NMT1: variants seen among roughly 807,000 people sequenced by gnomAD.
NMT1 encodes N-myristoyltransferase 1, also known as glycylpeptide N-tetradecanoyltransferase 1.
In NMT1, 12 loss-of-function variants were observed where a neutral mutation model predicts 63.4. The observed-to-expected ratio is 0.19, with a 90% CI of 0.12 to 0.31. The LOEUF is 0.31. Ranked by LOEUF, NMT1 falls within the 10% of genes least tolerant of loss-of-function variation. The pLI is 1.00. For synonymous variants in NMT1, 228 were observed against 234.3 expected, an observed-to-expected ratio of 0.97 and a Z score of 0.25; for missense variants, 432 against 634.6, an observed-to-expected ratio of 0.68 and a Z score of 3.43.
At chr17:45,063,204 CAAAAAAAAA>C (rs5820561) in intron 1 of NMT1, among the ~76,000 whole-genome samples, 1 of 79,994 alleles carries the variant, frequency 1.3e-5, no homozygotes, top group Non-Finnish European at 2.4e-5. Context: ...GACTCCGACT[CAAAAAAAAA>C]AAAAAAAAAA....
intron 1 of NMT1, among the ~76,000 whole-genome samples, chr17:45,062,791 A>G (rs1274911798): frequency 6.6e-6 from 1 of 152,210 alleles, no homozygotes; most frequent in Non-Finnish European, 1.5e-5. Context: ...AAAATCACCT[A>G]ACCATGCATT....
At chr17:45,099,574 C>A in intron 8 of NMT1, 61 bp downstream of exon 8, 1 of 1,236,990 alleles carries the variant, frequency 8.1e-7, no homozygotes, top group Non-Finnish European at 1.2e-6. Context: ...GCCTGGCTGT[C>A]AGCAGGAGAG....
intron 2 of NMT1, among the ~76,000 whole-genome samples, chr17:45,082,990 C>T (rs1171951877): frequency 6.6e-6 from 1 of 151,470 alleles, no homozygotes; most frequent in African/African-American, 2.4e-5. Context: ...GCACTCCAGC[C>T]TGGGCAACAG....
chr17:45,093,897 A>G, intron 4 of NMT1, 94 bp downstream of exon 4: 1 of 1,018,128 alleles, frequency 9.8e-7, no homozygotes, highest in African/African-American at 1.6e-5. Flanking sequence ...CTCGAGCCCT[A>G]GAGAGCTGAG....
rs760110087 is a variant in NMT1, at chr17:45,099,487, A to T, written c.967A>T (p.Thr323Ser). ...HLSRNMTMQR[T>S]MKLYRLPETP... ...GAGCAGAAATATGACCATGCAGCGC[A>T]CCATGAAGCTCTACCGACTGCCAGA... The change falls in exon 8 of 12, where the codon ACC (threonine) becomes TCC (serine). Residue 323 changes from threonine (T) to serine (S), a missense_variant. Thr to Ser is a moderately conservative substitution (Grantham distance 58). Coordinates refer to ENST00000258960, the MANE Select transcript of NMT1 (RefSeq NM_021079.5). 6 of 1,614,054 alleles carry T rather than the reference A, an allele frequency of 3.7e-6. No homozygotes were observed. The highest frequency in any genetic ancestry group is 5.1e-6 in the Non-Finnish European group (6 of 1,179,894).
At chr17:45,061,733 A>G (rs2053862303) in intron 1 of NMT1, 2 of 352,444 alleles carry the variant, frequency 5.7e-6, no homozygotes, top group East Asian at 5.8e-5. Context: ...CTGGGAAAAG[A>G]GCATGTTGGA....
chr17:45,093,099 A>G (rs10853035), intron 3 of NMT1, among the ~76,000 whole-genome samples: 152,218 of 152,362 alleles, frequency 1, 76,037 homozygotes, highest in Middle Eastern at 1. Flanking sequence ...CGGCAGCACT[A>G]TGTAGACTTG....
Position 45,097,150 on chromosome 17 carries a change from C to G in NMT1, c.619C>G (p.Leu207Val), listed in dbSNP as rs756018179. 1 of 1,614,190 alleles carries G rather than the reference C, an allele frequency of 6.2e-7. No individual in the cohort carries two copies. The highest frequency in any genetic ancestry group is 1.7e-5 in the Admixed American group (1 of 60,032). The change falls in exon 6 of 12, where the codon CTC (leucine) becomes GTC (valine). Residue 207 changes from leucine to valine, a missense_variant. Leu to Val is a conservative substitution (Grantham distance 32). This residue lies in a region of NMT1 where 295 missense variants were observed against 489.7 expected (regional missense o/e 0.60). Transcript: ENST00000258960. ...CAGGGCTCTCCGGCCACCCGGCTGGCTCCCCCAGTGGCACTGTGGGGTTCG... is the reference window on the plus strand; with the variant it reads ...CAGGGCTCTCCGGCCACCCGGCTGGGTCCCCCAGTGGCACTGTGGGGTTCG... ...LLWALRPPGW[L>V]PQWHCGVRVV...
chr17:45,098,602 A>G, intron 7 of NMT1, 50 bp downstream of exon 7: 1 of 1,546,220 alleles, frequency 6.5e-7, no homozygotes, highest in Non-Finnish European at 8.9e-7. Flanking sequence ...TCTGCACTGT[A>G]GTTGAGGAGC....
chr17:45,082,192 CA>C (rs2054021282), intron 2 of NMT1, among the ~76,000 whole-genome samples: 1 of 152,042 alleles, frequency 6.6e-6, no homozygotes. Context: ...CTGCAGCCTC[CA>C]CTCCTGGGCT....
Position 45,061,630 on chromosome 17 carries a change from T to C in NMT1, c.131+170T>C, listed in dbSNP as rs183422777. 1.5e-3 allele frequency: 873 copies of C among 598,826 alleles called. 2 individuals are homozygous for C. Among genetic ancestry groups the C allele is most frequent in the Middle Eastern group, 2.7e-3 (6 of 2,188 alleles). The allele number at this position is 598,826 out of a possible 1,614,324, so 37.1% of individuals were successfully genotyped here. A position where few individuals can be genotyped will look rare whatever the true frequency, so the allele number is the denominator to read the frequency against. Reference sequence around the variant, plus strand: ...TATTGCCTTTGTCATTTACCAAGGGTGGGTGCTCTGGATATTAAGGGCCGG... The same window carrying C: ...TATTGCCTTTGTCATTTACCAAGGGCGGGTGCTCTGGATATTAAGGGCCGG... On this transcript the variant is annotated intron_variant, in intron 1 of 11. Transcript: ENST00000258960.
chr17:45,097,324 A>G (rs1378162904), intron 6 of NMT1, 80 bp downstream of exon 6: 1 of 1,081,540 alleles, frequency 9.2e-7, no homozygotes, highest in Admixed American at 1.7e-5. Context: ...AAGGCTGCAC[A>G]ATGTGCCCCA....
At chr17:45,080,559 C>T (rs1485921932) in intron 1 of NMT1, among the ~76,000 whole-genome samples, 1 of 149,934 alleles carries the variant, frequency 6.7e-6, no homozygotes, top group African/African-American at 2.5e-5. Context: ...AGCTCTACCT[C>T]CCAGGTTCAC....
chr17:45,093,918 C>A, intron 4 of NMT1, 115 bp downstream of exon 4: 1 of 757,944 alleles, frequency 1.3e-6, no homozygotes, highest in Non-Finnish European at 2.2e-6. Flanking sequence ...CCAAGGAGGT[C>A]TGAACAGACT....
At chr17:45,069,203 T>C (rs1374218788) in intron 1 of NMT1, among the ~76,000 whole-genome samples, 3 of 143,538 alleles carry the variant, frequency 2.1e-5, no homozygotes, top group Non-Finnish European at 4.5e-5. Context: ...TCGTGATCCA[T>C]CCTCCTTGTC....
chr17:45,103,559 C>A lies in NMT1; in HGVS notation c.1165-150C>A. 2 of 813,214 alleles carry A rather than the reference C, an allele frequency of 2.5e-6. No homozygotes were observed. The highest frequency in any genetic ancestry group is 3.9e-6 in the Non-Finnish European group (2 of 509,860). The allele number at this position is 813,214 out of a possible 1,614,324, so 50.4% of individuals were successfully genotyped here. On this transcript the variant is annotated intron_variant, in intron 9 of 11. Coordinates refer to ENST00000258960, the MANE Select transcript of NMT1 (RefSeq NM_021079.5). The surrounding 1 kb of genome is among the most constrained non-coding windows in gnomAD (Gnocchi z 4.8). ...CCTCAAGTGCCCTGAGCCAATGTCC[C>A]TCCTCCTCCCCACATGTCCTGTTGC...
chr17:45,075,542 G>A (rs887480439), intron 1 of NMT1, among the ~76,000 whole-genome samples: 9 of 151,596 alleles, frequency 5.9e-5, no homozygotes, highest in Non-Finnish European at 1.3e-4. Context: ...AGCACTTTGG[G>A]AGGCCAAGGC....
intron 2 of NMT1, among the ~76,000 whole-genome samples, chr17:45,085,766 C>G (rs1264846707): frequency 6.6e-6 from 1 of 152,056 alleles, no homozygotes; most frequent in Non-Finnish European, 1.5e-5. Flanking sequence ...GTAATGACCT[C>G]TGGGATTAGG....
chr17:45,095,175 T>C (rs551443080), intron 4 of NMT1, among the ~76,000 whole-genome samples: 3 of 150,498 alleles, frequency 2.0e-5, no homozygotes, highest in African/African-American at 7.3e-5. Flanking sequence ...GGCACAATCT[T>C]GGCTCACTGC....
Sources: gnomAD v4.1 joint callset for allele counts (sites outside exome capture counted in the v4.1 genomes callset) on GRCh38, gnomAD v4.1.1 for gene constraint, gnomAD v4.1.1 regional missense constraint, Gnocchi (gnomAD v3.1) non-coding constraint, MANE v1.5 for transcripts, NCBI Gene and HGNC (gene_info 2026-07-23, HGNC 2026-07-21) for gene names.